AP1B1: variants seen among roughly 807,000 people sequenced by gnomAD.
AP1B1 encodes adaptor related protein complex 1 subunit beta 1.
A neutral mutation model predicts 104.3 loss-of-function variants in AP1B1; 36 were observed. The observed-to-expected ratio is 0.35, with a 90% confidence interval of 0.26 to 0.46. The LOEUF (loss-of-function observed/expected upper bound fraction) is 0.46. Ranked by LOEUF, AP1B1 falls within the 20% of genes least tolerant of loss-of-function variation. The pLI, the probability that AP1B1 is intolerant of heterozygous loss-of-function variation, is 1.00. For missense variants in AP1B1, 901 were observed against 1,247.9 expected (o/e 0.72, Z 4.19); for synonymous variants, 504 against 517.5 (o/e 0.97, Z 0.35).
chr22:29,378,555 A>C (rs1240366503), intron 1 of AP1B1, among the ~76,000 whole-genome samples: 1 of 98,798 alleles, frequency 1.0e-5, no homozygotes, highest in African/African-American at 4.3e-5. Context: ...TCCGTATCAA[A>C]AAAAAAAAAA....
chr22:29,348,181 A>T (rs1443708834), intron 11 of AP1B1, among the ~76,000 whole-genome samples: 1 of 152,352 alleles, frequency 6.6e-6, no homozygotes, highest in East Asian at 1.9e-4. Context: ...TAGCCCCCAA[A>T]TCAAGACTCA....
intron 1 of AP1B1, among the ~76,000 whole-genome samples, chr22:29,380,414 C>CG (rs35047068): frequency 2.6e-5 from 4 of 151,800 alleles, no homozygotes; most frequent in Admixed American, 2.6e-4. Flanking sequence ...CCAGAACCCC[C>CG]GGGCACACAT....
chr22:29,359,743 C>A, intron 4 of AP1B1, 81 bp downstream of exon 4: 1 of 1,528,952 alleles, frequency 6.5e-7, no homozygotes, highest in Non-Finnish European at 8.8e-7. Context: ...TCCAGTGCCA[C>A]AGGGCCCCGC....
chr22:29,368,058 G>T (rs1042449918), intron 1 of AP1B1, among the ~76,000 whole-genome samples: 1 of 152,194 alleles, frequency 6.6e-6, no homozygotes, highest in Non-Finnish European at 1.5e-5. Context: ...AGCACTTTGG[G>T]AGGCTGAGGC....
chr22:29,353,063 G>A (rs1468247985), intron 7 of AP1B1, among the ~76,000 whole-genome samples: 1 of 152,210 alleles, frequency 6.6e-6, no homozygotes, highest in Non-Finnish European at 1.5e-5. Context: ...ACTTCAGAGA[G>A]GGTGAGAGGC....
rs150965769 is a variant in AP1B1, at chr22:29,373,975, A to G, written c.-27-6705T>C. On this transcript the variant is annotated intron_variant, in intron 1 of 22. Transcript: ENST00000357586. ...CACTTTGGGAGGCTGAGGGGGGTGG[A>G]TCACCTGAGGTCAGGAGTTCAAGAC... Among the ~76,000 whole-genome samples the G allele has an allele frequency of 3.3e-3, 490 of 149,298 alleles. 2 individuals carry two copies. The highest frequency in any genetic ancestry group is 6.1e-3 in the Non-Finnish European group (416 of 67,658).
intron 1 of AP1B1, among the ~76,000 whole-genome samples, chr22:29,385,924 G>A (rs2062514945): frequency 6.6e-6 from 1 of 152,174 alleles, no homozygotes; most frequent in African/African-American, 2.4e-5. Flanking sequence ...GCAAGCCCAA[G>A]CTCAAAGCCA....
At chr22:29,331,563 C>A (rs2061558313) in intron 18 of AP1B1, 30 bp from the exon 19 acceptor site, 2 of 1,613,140 alleles carry the variant, frequency 1.2e-6, no homozygotes, top group Non-Finnish European at 1.7e-6. Flanking sequence ...CAGTCAGTCT[C>A]TGGGGCTTGA....
At chr22:29,359,727 A>T (rs1183801056) in intron 4 of AP1B1, 97 bp downstream of exon 4, 18 of 1,493,828 alleles carry the variant, frequency 1.2e-5, no homozygotes, top group Non-Finnish European at 1.6e-5. Flanking sequence ...GAAGGTCTGG[A>T]CTCCATCCAG....
chr22:29,329,211 C>A, intron 22 of AP1B1: 2 of 1,219,764 alleles, frequency 1.6e-6, no homozygotes, highest in South Asian at 1.9e-5. Flanking sequence ...GGCTGCCCGG[C>A]CCCCCAGAGT....
At chr22:29,375,400 T>A (rs572589700) in intron 1 of AP1B1, among the ~76,000 whole-genome samples, 2 of 144,700 alleles carry the variant, frequency 1.4e-5, no homozygotes, top group Admixed American at 1.4e-4. Context: ...CCCCACAGAC[T>A]TCCTCCCCTA....
chr22:29,350,905 GC>G (rs2061863954), intron 9 of AP1B1, among the ~76,000 whole-genome samples: 1 of 152,226 alleles, frequency 6.6e-6, no homozygotes, highest in Admixed American at 6.5e-5. Context: ...ACTTGTGGCT[GC>G]CCCAGCATCT....
intron 1 of AP1B1, among the ~76,000 whole-genome samples, chr22:29,374,162 A>T (rs1173742336): frequency 2.0e-5 from 3 of 152,276 alleles, no homozygotes; most frequent in African/African-American, 7.2e-5. Flanking sequence ...GATCGGCGCC[A>T]CTGCACTCCA....
chr22:29,330,730 G>C, intron 19 of AP1B1, 21 bp from the exon 20 acceptor site: 1 of 1,602,138 alleles, frequency 6.2e-7, no homozygotes. Flanking sequence ...AGCAGGGTGG[G>C]GATGAGAGGC....
At chr22:29,371,720 T>C (rs1426432666) in intron 1 of AP1B1, among the ~76,000 whole-genome samples, 1 of 151,486 alleles carries the variant, frequency 6.6e-6, no homozygotes, top group African/African-American at 2.4e-5. Context: ...AGAGTGAGAC[T>C]CCGTCTCAAA....
chr22:29,358,948 G>A lies in AP1B1; in HGVS notation c.303C>T (p.Leu101=). 1.2e-6 allele frequency: 2 copies of A among 1,611,426 alleles called. No homozygotes were observed. Among genetic ancestry groups the A allele is most frequent in the South Asian group, 2.2e-5 (2 of 90,580 alleles). Residue 101 remains leucine (L), a synonymous_variant, in exon 5 of 23, where the codon CTC becomes CTT. Transcript: ENST00000357586. ...FVKDCEDPNP[L]IRALAVRTMG... is the part of the protein sequence containing the mutation. The stretch of plus-strand genomic sequence containing the variant: ...TGGTCCGCACTGCCAGGGCTCGGAT[G>A]AGGGGGTTGGGGTCCTCACAGTCCT...
At chr22:29,377,089 G>A (rs980945799) in intron 1 of AP1B1, among the ~76,000 whole-genome samples, 2 of 151,270 alleles carry the variant, frequency 1.3e-5, no homozygotes, top group South Asian at 2.1e-4. Context: ...CCAGCTACTC[G>A]GGAGGCTGAG....
intron 10 of AP1B1, 33 bp downstream of exon 10, chr22:29,350,002 A>T (rs1239540171): frequency 6.5e-7 from 1 of 1,532,196 alleles, no homozygotes; most frequent in Non-Finnish European, 9.0e-7. Flanking sequence ...AGGCAGAGCT[A>T]GATGCCCTCT....
At chr22:29,384,026 G>A (rs1340177543) in intron 1 of AP1B1, among the ~76,000 whole-genome samples, 1 of 152,174 alleles carries the variant, frequency 6.6e-6, no homozygotes, top group Non-Finnish European at 1.5e-5. Context: ...CACAAGGAGT[G>A]GGTAGGTGAA....
Sources: allele counts gnomAD v4.1 joint callset (sites outside exome capture counted in the v4.1 genomes callset), GRCh38; gene constraint gnomAD v4.1.1; transcripts MANE v1.5; gene names NCBI Gene and HGNC (gene_info 2026-07-23, HGNC 2026-07-21).